Variants in CREBBP observed in about 807,000 individuals in gnomAD.
CREBBP encodes the protein CREB-binding protein.
In CREBBP, 19 loss-of-function variants were observed where a neutral mutation model predicts 265.0. The ratio of observed to expected loss-of-function variants is 0.07; its 90% confidence interval spans 0.05 to 0.11. The LOEUF is 0.11. Ranked by LOEUF, CREBBP falls within the 10% of genes least tolerant of loss-of-function variation. CREBBP has a pLI of 1.00. For missense variants in CREBBP, 2,525 were observed against 3,219.0 expected (o/e 0.78, Z 5.22); for synonymous variants, 1,457 against 1,223.7 (o/e 1.19, Z -3.98).
At chr16:3,769,145 T>A (rs2141189672) in intron 15 of CREBBP, 29 bp downstream of exon 15, 1 of 1,613,334 alleles carries the variant, frequency 6.2e-7, no homozygotes, top group Non-Finnish European at 8.5e-7. Context: ...CGATACGCAG[T>A]CAATGCATTC....
chr16:3,767,667 T>C lies in CREBBP; in HGVS notation c.3250+53A>G, dbSNP rs192235468. 1,647 of 1,611,794 alleles carry C rather than the reference T, an allele frequency of 1.0e-3. 2 individuals carry two copies. Among genetic ancestry groups the C allele is most frequent in the Admixed American group, 2.1e-3 (128 of 60,010 alleles). On this transcript the variant is annotated intron_variant, in intron 16 of 30. Transcript: ENST00000262367. ...GCTTTTAATCCTCCACATGGAATCCTAACACCGTGGAAAAGCAGCATGCTT... is the reference window on the plus strand; with the variant it reads ...GCTTTTAATCCTCCACATGGAATCCCAACACCGTGGAAAAGCAGCATGCTT...
intron 3 of CREBBP, among the ~76,000 whole-genome samples, chr16:3,797,964 A>G (rs543904678): frequency 5.9e-5 from 9 of 152,348 alleles, no homozygotes; most frequent in Admixed American, 2.6e-4. Flanking sequence ...GAAAGAAAGG[A>G]TACTATCCCA....
At chr16:3,750,629 C>A (rs574330121) in intron 20 of CREBBP, among the ~76,000 whole-genome samples, 1 of 152,210 alleles carries the variant, frequency 6.6e-6, no homozygotes, top group Admixed American at 6.5e-5. Flanking sequence ...GTAACTCTGC[C>A]GGATAATAAA....
In CREBBP at chr16:3,778,013, G is replaced by A. The variant is rs2141232451; in HGVS notation, c.2111C>T (p.Pro704Leu). 1 of 1,614,188 alleles carries A rather than the reference G, an allele frequency of 6.2e-7. No homozygotes were observed. The highest frequency in any genetic ancestry group is 1.3e-5 in the African/African-American group (1 of 75,044). Reference sequence around the variant, plus strand: ...GCAGTAGGAAATAAAATCCTTACTTGGAGGTCTCACAGGTTGTGCCTGTGG... The same window carrying A: ...GCAGTAGGAAATAAAATCCTTACTTAGAGGTCTCACAGGTTGTGCCTGTGG... ...VIPQAQPVRP[P>L]NGPLSLPVNR... is the part of the protein sequence containing the mutation. The change falls in exon 10 of 31, where the codon CCA (proline) becomes CTA (leucine). Residue 704 changes from proline to leucine, a missense_variant and splice_region_variant. By Grantham distance (98) the Pro-to-Leu change is moderately conservative. This residue lies in a region of CREBBP where 548 missense variants were observed against 533.0 expected (regional missense o/e 1.03). Coordinates refer to ENST00000262367, the MANE Select transcript of CREBBP (RefSeq NM_004380.3).
At chr16:3,818,594 G>C (rs1436398268) in intron 2 of CREBBP, among the ~76,000 whole-genome samples, 3 of 152,106 alleles carry the variant, frequency 2.0e-5, no homozygotes, top group Non-Finnish European at 2.9e-5. Flanking sequence ...AAAGGGCTGG[G>C]ATTACAGGCG....
rs2151310495 is a variant in CREBBP, at chr16:3,729,572, G to A, written c.5475C>T (p.Leu1825=). The A allele has an allele frequency of 6.2e-7, 1 of 1,614,220 alleles. No individual in the cohort carries two copies. The highest frequency in any genetic ancestry group is 1.3e-5 in the African/African-American group (1 of 75,064). The stretch of plus-strand genomic sequence containing the variant: ...GGCAGTGCTTGGCGTGGTAGCAGCA[G>A]AGGGCGATGAGCTGCTTGCACACCG... The part of the protein sequence containing the change: ...GCPVCKQLIA[L]CCYHAKHCQE... The change falls in exon 31 of 31, where the codon CTC becomes CTT. Residue 1825 remains leucine (L), a synonymous_variant. Coordinates refer to ENST00000262367, the MANE Select transcript of CREBBP (RefSeq NM_004380.3).
chr16:3,863,316 G>C (rs969785247), intron 1 of CREBBP, among the ~76,000 whole-genome samples: 1 of 152,082 alleles, frequency 6.6e-6, no homozygotes, highest in African/African-American at 2.4e-5. Context: ...ACCCAAGCAA[G>C]ACAGGGCCAG....
intron 8 of CREBBP, among the ~76,000 whole-genome samples, chr16:3,779,967 G>A (rs542592194): frequency 6.1e-4 from 92 of 152,064 alleles, no homozygotes; most frequent in Admixed American, 1.6e-3. Context: ...CAACAAAAAG[G>A]CCGGGTGCGG....
chr16:3,736,370 C>G, intron 27 of CREBBP, 167 bp from the exon 28 acceptor site: 1 of 782,872 alleles, frequency 1.3e-6, no homozygotes, highest in East Asian at 2.7e-5. Flanking sequence ...GTGCACCCCC[C>G]ACCACAGTGC....
At chr16:3,840,283 T>G (rs962045589) in intron 2 of CREBBP, among the ~76,000 whole-genome samples, 6 of 152,198 alleles carry the variant, frequency 3.9e-5, no homozygotes, top group African/African-American at 1.4e-4. Context: ...CCAGGCATGA[T>G]AGTTTCACAC....
intron 2 of CREBBP, among the ~76,000 whole-genome samples, chr16:3,816,672 T>C (rs1383070507): frequency 6.6e-6 from 1 of 152,054 alleles, no homozygotes; most frequent in Non-Finnish European, 1.5e-5. Flanking sequence ...CCACGGAAAG[T>C]ACAAAGTACC....
At chr16:3,739,532 A>G (rs1346308710) in intron 25 of CREBBP, 46 bp downstream of exon 25, 4 of 1,612,958 alleles carry the variant, frequency 2.5e-6, no homozygotes, top group Non-Finnish European at 3.4e-6. Flanking sequence ...GTCTATCCTA[A>G]CACGGCTCAC....
intron 3 of CREBBP, among the ~76,000 whole-genome samples, chr16:3,810,018 G>A (rs781173896): frequency 6.6e-6 from 1 of 152,104 alleles, no homozygotes; most frequent in Non-Finnish European, 1.5e-5. Flanking sequence ...CTATTATTTG[G>A]TGGTGCAAAA....
intron 16 of CREBBP, chr16:3,761,406 A>C: frequency 2.4e-6 from 1 of 424,640 alleles, no homozygotes; most frequent in Non-Finnish European, 4.6e-6. Flanking sequence ...GGATGGTCTA[A>C]CTTGACAAAT....
chr16:3,771,999 GT>G (rs1427338273), intron 13 of CREBBP, among the ~76,000 whole-genome samples: 1 of 151,586 alleles, frequency 6.6e-6, no homozygotes, highest in Non-Finnish European at 1.5e-5. Context: ...TTTATGAATT[GT>G]TTATTCCCAG....
chr16:3,731,040 C>A lies in CREBBP; in HGVS notation c.5172+152G>T, dbSNP rs918702028. 3.7e-6 allele frequency: 3 copies of A among 821,744 alleles called. No homozygotes were observed. The highest frequency in any genetic ancestry group is 3.3e-5 in the African/African-American group (2 of 59,866). 50.9% of individuals were successfully genotyped at this position (821,744 alleles called of 1,614,324 possible). A position where few individuals can be genotyped will look rare whatever the true frequency, so the allele number is the denominator to read the frequency against. On this transcript the variant is annotated intron_variant, in intron 30 of 30. Coordinates refer to ENST00000262367, the MANE Select transcript of CREBBP (RefSeq NM_004380.3). This position sits in a 1 kb window ranked among gnomAD's most constrained non-coding sequence, Gnocchi z 7.7. ...GGTTTAGGAAACACACACACAGCAA[C>A]GCCTTCTGCCTTGTGACGCTGTCCT...
chr16:3,857,781 C>G (rs1597067460), intron 1 of CREBBP, among the ~76,000 whole-genome samples: 1 of 152,340 alleles, frequency 6.6e-6, no homozygotes, highest in East Asian at 1.9e-4. Context: ...ACTTCCATAG[C>G]TAGGGAAAGG....
Position 3,729,182 on chromosome 16 carries a change from C to A in CREBBP, c.5865G>T (p.Ala1955=). 1 of 1,529,470 alleles carries A rather than the reference C, an allele frequency of 6.5e-7. No homozygotes were observed. Among genetic ancestry groups the A allele is most frequent in the East Asian group, 2.5e-5 (1 of 40,648 alleles). The allele number at this position is 1,529,470 out of a possible 1,614,324, so 94.7% of individuals were successfully genotyped here. A position where few individuals can be genotyped will look rare whatever the true frequency, so the allele number is the denominator to read the frequency against. Residue 1955 remains alanine (A), a synonymous_variant, in exon 31 of 31, where the codon GCG becomes GCT. Transcript: ENST00000262367. ...GCTCGATCTGCCGAGCCGCTTCCACCGCTGCAGGAGGGGGCTGGGCCGGGG... is the reference window on the plus strand; with the variant it reads ...GCTCGATCTGCCGAGCCGCTTCCACAGCTGCAGGAGGGGGCTGGGCCGGGG... ...PPPPAQPPPA[A]VEAARQIERE...
At chr16:3,866,136 T>C (rs193296643) in intron 1 of CREBBP, among the ~76,000 whole-genome samples, 1 of 152,344 alleles carries the variant, frequency 6.6e-6, no homozygotes, top group Admixed American at 6.5e-5. Context: ...CTTAAAAGGC[T>C]AGAAAAGAAA....
Sources: allele counts gnomAD v4.1 joint callset (sites outside exome capture counted in the v4.1 genomes callset), GRCh38; gene constraint gnomAD v4.1.1; regional missense constraint gnomAD v4.1.1; non-coding constraint Gnocchi (gnomAD v3.1); transcripts MANE v1.5; gene names NCBI Gene and HGNC (gene_info 2026-07-23, HGNC 2026-07-21).